Variants in LRRC4C observed in about 807,000 individuals in gnomAD.
The protein encoded by LRRC4C is leucine rich repeat containing 4C, also known as leucine-rich repeat-containing protein 4C.
In LRRC4C, 5 loss-of-function variants were observed where a neutral mutation model predicts 33.6. The observed-to-expected ratio is 0.15, with a 90% confidence interval of 0.08 to 0.31. LRRC4C has a LOEUF of 0.31. Among genes scored for constraint, LRRC4C ranks in the 10% least tolerant of loss-of-function variants. The probability of loss-of-function intolerance (pLI) is 1.00; values close to 1 mark genes in which losing one functional copy is unlikely to be tolerated. For missense variants in LRRC4C, 560 were observed against 796.7 expected, an observed-to-expected ratio of 0.70 and a Z score of 3.58; for synonymous variants, 329 against 302.0, an observed-to-expected ratio of 1.09 and a Z score of -0.93.
chr11:41,036,205 A>T (rs1176690546), intron 1 of LRRC4C, among the ~76,000 whole-genome samples: 2 of 152,182 alleles, frequency 1.3e-5, no homozygotes, highest in African/African-American at 2.4e-5. Flanking sequence ...AGGCATGTGA[A>T]ATTCAAGTAG....
intron 3 of LRRC4C, among the ~76,000 whole-genome samples, chr11:40,322,940 C>T (rs1037872473): frequency 6.6e-6 from 1 of 152,040 alleles, no homozygotes; most frequent in African/African-American, 2.4e-5. Context: ...ATATAAATCT[C>T]AATAAAAAGA....
At chr11:40,223,985 A>G (rs7102990) in intron 5 of LRRC4C, among the ~76,000 whole-genome samples, 26,351 of 152,176 alleles carry the variant, frequency 0.17, 2,674 homozygotes, top group Admixed American at 0.28. Context: ...GATTAAGACT[A>G]TTATTTAAAT....
At chr11:40,551,536 A>G (rs183234389) in intron 3 of LRRC4C, among the ~76,000 whole-genome samples, 8 of 152,254 alleles carry the variant, frequency 5.3e-5, no homozygotes, top group African/African-American at 1.9e-4. Flanking sequence ...CTAGATATCC[A>G]CAAGGCTAAT....
intron 2 of LRRC4C, among the ~76,000 whole-genome samples, chr11:40,668,811 T>C (rs1222459587): frequency 6.6e-6 from 1 of 152,180 alleles, no homozygotes; most frequent in African/African-American, 2.4e-5. Context: ...TTTATATTCG[T>C]CCCAAAGCCA....
chr11:41,103,417 A>G (rs1941313184), intron 1 of LRRC4C, among the ~76,000 whole-genome samples: 1 of 151,680 alleles, frequency 6.6e-6, no homozygotes, highest in Non-Finnish European at 1.5e-5. Flanking sequence ...TCTCATCAGC[A>G]TATATGGATT....
intron 2 of LRRC4C, among the ~76,000 whole-genome samples, chr11:40,719,418 T>C (rs1946895239): frequency 6.6e-6 from 1 of 152,102 alleles, no homozygotes; most frequent in Admixed American, 6.6e-5. Context: ...AGAAAAAAAT[T>C]ACTATTTTTC....
At chr11:40,806,417 A>T (rs1951250907) in intron 2 of LRRC4C, among the ~76,000 whole-genome samples, 1 of 152,180 alleles carries the variant, frequency 6.6e-6, no homozygotes, top group Non-Finnish European at 1.5e-5. Flanking sequence ...TCTGTCTGCT[A>T]TGGCAGCTCA....
intron 1 of LRRC4C, among the ~76,000 whole-genome samples, chr11:41,373,263 T>C (rs1952819702): frequency 6.6e-6 from 1 of 152,148 alleles, no homozygotes; most frequent in Non-Finnish European, 1.5e-5. Flanking sequence ...ATATTAAAAA[T>C]ATTTGGCCCA....
intron 1 of LRRC4C, among the ~76,000 whole-genome samples, chr11:41,119,505 G>A (rs537442540): frequency 2.0e-5 from 3 of 152,274 alleles, no homozygotes; most frequent in African/African-American, 7.2e-5. Context: ...TTAGGTGGCA[G>A]AACATTTTTG....
intron 1 of LRRC4C, among the ~76,000 whole-genome samples, chr11:40,978,649 T>C (rs1852269470): frequency 6.8e-6 from 1 of 147,930 alleles, no homozygotes; most frequent in African/African-American, 2.5e-5. Context: ...TGATATGGAG[T>C]CTCGCTCTGT....
At chr11:40,431,110 A>T (rs985226724) in intron 3 of LRRC4C, among the ~76,000 whole-genome samples, 6 of 151,026 alleles carry the variant, frequency 4.0e-5, no homozygotes, top group African/African-American at 7.3e-5. Context: ...AAAAAAAAAA[A>T]AAAAATAAAT....
intron 2 of LRRC4C, among the ~76,000 whole-genome samples, chr11:40,875,204 A>G (rs576006389): frequency 3.3e-5 from 5 of 152,302 alleles, no homozygotes; most frequent in African/African-American, 1.2e-4. Context: ...CTTTTCTTTA[A>G]AAATGTTTCT....
chr11:40,696,405 CAT>C (rs111572351), intron 2 of LRRC4C, among the ~76,000 whole-genome samples: 116 of 142,304 alleles, frequency 8.2e-4, no homozygotes, highest in African/African-American at 2.3e-3. Context: ...GTATACACAC[CAT>C]ATATATATAT....
chr11:41,239,688 G>T (rs1167370636), intron 1 of LRRC4C, among the ~76,000 whole-genome samples: 1 of 151,934 alleles, frequency 6.6e-6, no homozygotes, highest in Admixed American at 6.6e-5. Flanking sequence ...TTAATTTACT[G>T]AATTTGTACT....
intron 1 of LRRC4C, among the ~76,000 whole-genome samples, chr11:41,332,285 TA>T (rs1951319780): frequency 6.6e-6 from 1 of 152,208 alleles, no homozygotes; most frequent in African/African-American, 2.4e-5. Flanking sequence ...AAGCACAAAC[TA>T]GAGTTCATGT....
intron 3 of LRRC4C, among the ~76,000 whole-genome samples, chr11:40,389,323 T>C (rs1032992500): frequency 2.0e-5 from 3 of 152,148 alleles, no homozygotes; most frequent in African/African-American, 4.8e-5. Flanking sequence ...GTTAATTTCA[T>C]ACCCAACCCC....
At chr11:40,559,259 T>C (rs987686219) in intron 3 of LRRC4C, among the ~76,000 whole-genome samples, 1 of 148,868 alleles carries the variant, frequency 6.7e-6, no homozygotes, top group Admixed American at 6.8e-5. Context: ...CTCAGCTCAC[T>C]GCAACCCCTG....
intron 2 of LRRC4C, among the ~76,000 whole-genome samples, chr11:40,845,753 C>T (rs1565126560): frequency 6.6e-6 from 1 of 152,178 alleles, no homozygotes; most frequent in Non-Finnish European, 1.5e-5. Context: ...GAGGAATTGC[C>T]ATACTGTCTC....
chr11:41,042,500 G>A (rs1403517580), intron 1 of LRRC4C, among the ~76,000 whole-genome samples: 9 of 152,106 alleles, frequency 5.9e-5, no homozygotes, highest in African/African-American at 1.7e-4. Context: ...TAGGTGGAAA[G>A]ATTAAAATTG....
Sources: gnomAD v4.1 joint callset for allele counts (sites outside exome capture counted in the v4.1 genomes callset) on GRCh38, gnomAD v4.1.1 for gene constraint, MANE v1.5 for transcripts, NCBI Gene and HGNC (gene_info 2026-07-23, HGNC 2026-07-21) for gene names.